The following GLDN variants were observed in gnomAD, a reference collection of about 807,000 sequenced individuals.
GLDN encodes collomin.
GLDN carries 47 observed loss-of-function variants against 56.5 expected under a neutral mutation model. The ratio of observed to expected loss-of-function variants is 0.83; its 90% confidence interval spans 0.66 to 1.06. The LOEUF is 1.06. Among genes scored for constraint, GLDN ranks in the 50% least tolerant of loss-of-function variants. The pLI, the probability that GLDN is intolerant of heterozygous loss-of-function variation, is 0.00. For synonymous variants in GLDN, 332 were observed against 278.8 expected (o/e 1.19, Z -1.90); for missense variants, 782 against 714.3 (o/e 1.09, Z -1.08).
At chr15:51,402,649 G>A (rs2038279843) in intron 9 of GLDN, among the ~76,000 whole-genome samples, 1 of 152,164 alleles carries the variant, frequency 6.6e-6, no homozygotes, top group Admixed American at 6.5e-5. Flanking sequence ...GGGAGGACTG[G>A]GTCCCTTCCC....
At chr15:51,380,607 T>G (rs1047772357) in intron 2 of GLDN, among the ~76,000 whole-genome samples, 1 of 152,218 alleles carries the variant, frequency 6.6e-6, no homozygotes, top group Non-Finnish European at 1.5e-5. Context: ...CCCGGACTGC[T>G]GAGCTCTCTG....
intron 1 of GLDN, among the ~76,000 whole-genome samples, chr15:51,375,584 G>C (rs888100292): frequency 6.6e-6 from 1 of 152,186 alleles, no homozygotes; most frequent in African/African-American, 2.4e-5. Flanking sequence ...GGGGTATACG[G>C]TGGGTGTGAG....
chr15:51,396,002 C>A (rs1242505692), intron 5 of GLDN, among the ~76,000 whole-genome samples: 1 of 152,126 alleles, frequency 6.6e-6, no homozygotes, highest in Non-Finnish European at 1.5e-5. Context: ...AAGGAGATGA[C>A]CCAAGCCATT....
chr15:51,370,925 C>T (rs2470190), intron 1 of GLDN, among the ~76,000 whole-genome samples: 5,505 of 152,050 alleles, frequency 0.036, 190 homozygotes, highest in African/African-American at 0.092. Context: ...CTGCCTCAAG[C>T]CGGAGGTTGC....
intron 4 of GLDN, among the ~76,000 whole-genome samples, chr15:51,387,910 A>G (rs1363368023): frequency 6.6e-6 from 1 of 152,212 alleles, no homozygotes; most frequent in African/African-American, 2.4e-5. Flanking sequence ...ACCCAAGGGC[A>G]TGAATACTTT....
rs148627331 is a variant in GLDN, at chr15:51,346,055, T to G, written c.363+4008T>G. Among the ~76,000 whole-genome samples the G allele has an allele frequency of 2.5e-3, 376 of 152,332 alleles. 3 individuals carry two copies. The highest frequency in any genetic ancestry group is 8.4e-3 in the African/African-American group (348 of 41,576). ...ACCACTCTTGTAGAACAGAAAATAT[T>G]TAAACCAAATGGTAAAAATAGTATG... On this transcript the variant is annotated intron_variant, in intron 1 of 9. Coordinates refer to ENST00000335449, the MANE Select transcript of GLDN (RefSeq NM_181789.4).
intron 2 of GLDN, among the ~76,000 whole-genome samples, chr15:51,381,946 G>A (rs2037772162): frequency 6.6e-6 from 1 of 151,722 alleles, no homozygotes; most frequent in Admixed American, 6.6e-5. Flanking sequence ...GCTCCCTCCT[G>A]CCTCACAGAT....
chr15:51,386,184 G>A lies in GLDN; in HGVS notation c.541+2292G>A, dbSNP rs1360347252. Among the ~76,000 whole-genome samples the A allele has an allele frequency of 2.0e-5, 3 of 152,186 alleles. No individual in the cohort carries two copies. In the East Asian group the frequency reaches 5.8e-4, roughly 29 times the overall value. ...CAGAGAGTAAGGCTTGCGGAGGTCAGCAGCATTAGACCGCGAAGCCTCCAC... is the reference window on the plus strand; with the variant it reads ...CAGAGAGTAAGGCTTGCGGAGGTCAACAGCATTAGACCGCGAAGCCTCCAC... On this transcript the variant is annotated intron_variant, in intron 4 of 9. Coordinates refer to ENST00000335449, the MANE Select transcript of GLDN (RefSeq NM_181789.4).
intron 1 of GLDN, chr15:51,351,080 A>G (rs1239680732): frequency 7.6e-6 from 2 of 263,556 alleles, no homozygotes; most frequent in Non-Finnish European, 7.6e-6. Context: ...TTGTCTTCAT[A>G]ATAAAACAAA....
At chr15:51,378,247 C>T (rs926685788) in intron 2 of GLDN, among the ~76,000 whole-genome samples, 1 of 152,198 alleles carries the variant, frequency 6.6e-6, no homozygotes, top group African/African-American at 2.4e-5. Flanking sequence ...CTCTCTTTCA[C>T]TTATTTTGGC....
At position 51,355,669 on chromosome 15, in the gene GLDN, A is replaced by G. The variant is rs370577681; in HGVS notation, c.363+13622A>G. ...CTCCTGAGTAGCTGGGACCACAGGC[A>G]CGCACCAACACACCCGGCTAATCTT... On this transcript the variant is annotated intron_variant, in intron 1 of 9. Transcript: ENST00000335449. Among the ~76,000 whole-genome samples, 63 of 150,444 alleles carry G rather than the reference A, an allele frequency of 4.2e-4. No homozygotes were observed. The South Asian group carries it at 7.2e-3, about 17-fold the overall frequency.
intron 1 of GLDN, among the ~76,000 whole-genome samples, chr15:51,362,312 C>G (rs2037315263): frequency 6.6e-6 from 1 of 151,384 alleles, no homozygotes; most frequent in African/African-American, 2.4e-5. Flanking sequence ...TGGAGAAACT[C>G]CGTCTCTACC....
chr15:51,377,177 A>T, intron 1 of GLDN: 1 of 489,180 alleles, frequency 2.0e-6, no homozygotes, highest in Non-Finnish European at 3.6e-6. Flanking sequence ...CACCACAAAC[A>T]CGAAGTCATG....
At chr15:51,342,793 T>C (rs1057293774) in intron 1 of GLDN, among the ~76,000 whole-genome samples, 1 of 152,154 alleles carries the variant, frequency 6.6e-6, no homozygotes, top group African/African-American at 2.4e-5. Context: ...TTGCCAAGTG[T>C]GTGTGCCTGT....
At chr15:51,372,522 A>C (rs2037537406) in intron 1 of GLDN, among the ~76,000 whole-genome samples, 1 of 152,062 alleles carries the variant, frequency 6.6e-6, no homozygotes, top group Non-Finnish European at 1.5e-5. Context: ...GCTACTGCTT[A>C]TTATTTTGCA....
chr15:51,374,736 C>CTTTT (rs71297688), intron 1 of GLDN, among the ~76,000 whole-genome samples: 21 of 110,242 alleles, frequency 1.9e-4, no homozygotes, highest in African/African-American at 6.7e-4. Context: ...CTTTCTTTTC[C>CTTTT]TTTTTTTTTT....
At chr15:51,408,277 G>A (rs2038425446), downstream of GLDN, among the ~76,000 whole-genome samples, 1 of 152,158 alleles carries the variant, frequency 6.6e-6, no homozygotes, top group South Asian at 2.1e-4. Context: ...ATCAGCATGG[G>A]CAAGGCAATT....
intron 6 of GLDN, among the ~76,000 whole-genome samples, chr15:51,399,513 C>T (rs1316233394): frequency 6.6e-6 from 1 of 152,182 alleles, no homozygotes; most frequent in Non-Finnish European, 1.5e-5. Flanking sequence ...ACACTGATAA[C>T]CTGAGGAGGA....
intron 1 of GLDN, among the ~76,000 whole-genome samples, chr15:51,363,996 A>T (rs775592814): frequency 3.3e-5 from 5 of 152,064 alleles, no homozygotes; most frequent in African/African-American, 1.2e-4. Flanking sequence ...GGAATGTGCC[A>T]TTTTTCCTTT....
Sources: gnomAD v4.1 joint callset for allele counts (sites outside exome capture counted in the v4.1 genomes callset) on GRCh38, gnomAD v4.1.1 for gene constraint, MANE v1.5 for transcripts, NCBI Gene and HGNC (gene_info 2026-07-23, HGNC 2026-07-21) for gene names.